ST6GALNAC3: variants seen among roughly 807,000 people sequenced by gnomAD.
ST6GALNAC3 encodes alpha-N-acetylgalactosaminide alpha-2,6-sialyltransferase 3.
ST6GALNAC3 carries 25 observed loss-of-function variants against 32.7 expected under a neutral mutation model. The observed-to-expected ratio is 0.76, with a 90% CI of 0.56 to 1.07. The LOEUF (loss-of-function observed/expected upper bound fraction) is 1.07. ST6GALNAC3 is among the 50% of genes least tolerant of loss of function. ST6GALNAC3 has a pLI of 0.00. For missense variants in ST6GALNAC3, 355 were observed against 382.4 expected (o/e 0.93, Z 0.60); for synonymous variants, 129 against 133.1 (o/e 0.97, Z 0.21).
chr1:76,568,341 T>A (rs1291688790), intron 3 of ST6GALNAC3, among the ~76,000 whole-genome samples: 1 of 152,194 alleles, frequency 6.6e-6, no homozygotes, highest in African/African-American at 2.4e-5. Context: ...GTAATTGAAC[T>A]GACCTGCATG....
At chr1:76,254,171 T>C (rs2100706295) in intron 1 of ST6GALNAC3, among the ~76,000 whole-genome samples, 1 of 152,272 alleles carries the variant, frequency 6.6e-6, no homozygotes, top group Non-Finnish European at 1.5e-5. Context: ...ATGCTAAATA[T>C]ACAGAATTTA....
Position 76,345,579 on chromosome 1 carries a change from T to C in ST6GALNAC3, c.213+31580T>C, listed in dbSNP as rs117610443. Among the ~76,000 whole-genome samples, 54 of 152,208 alleles carry C rather than the reference T, an allele frequency of 3.5e-4. No homozygotes were observed. The East Asian group carries it at 9.3e-3, about 26-fold the overall frequency. ...GAAATAGTATTTCTAATGATAAAAA[T>C]AATAACACAATAAAGTTTAGTAAAC... On this transcript the variant is annotated intron_variant, in intron 2 of 4. Coordinates refer to ENST00000328299, the MANE Select transcript of ST6GALNAC3 (RefSeq NM_152996.4).
At chr1:76,255,132 G>A (rs1022060655) in intron 1 of ST6GALNAC3, among the ~76,000 whole-genome samples, 4 of 151,750 alleles carry the variant, frequency 2.6e-5, no homozygotes, top group African/African-American at 9.7e-5. Context: ...TTAGAGCCAG[G>A]AGCCTAGTCC....
intron 3 of ST6GALNAC3, among the ~76,000 whole-genome samples, chr1:76,608,770 C>T (rs943021012): frequency 1.3e-5 from 2 of 152,054 alleles, no homozygotes; most frequent in African/African-American, 4.8e-5. Flanking sequence ...CCCCTCACTT[C>T]GTCAGTGTAT....
intron 3 of ST6GALNAC3, among the ~76,000 whole-genome samples, chr1:76,468,763 A>G (rs949422684): frequency 2.0e-5 from 3 of 152,070 alleles, no homozygotes; most frequent in Admixed American, 6.6e-5. Context: ...TGTAATCATT[A>G]TAAGTGATTT....
At chr1:76,341,682 C>CTTCTTTCT (rs1281081058) in intron 2 of ST6GALNAC3, among the ~76,000 whole-genome samples, 2 of 36,052 alleles carry the variant, frequency 5.5e-5, no homozygotes, top group Admixed American at 2.9e-4. Flanking sequence ...TCTTTCTTTC[C>CTTCTTTCT]TTCTTTCTTT....
At chr1:76,501,649 C>G (rs570743771) in intron 3 of ST6GALNAC3, among the ~76,000 whole-genome samples, 1 of 152,250 alleles carries the variant, frequency 6.6e-6, no homozygotes, top group East Asian at 1.9e-4. Context: ...GGCAGGCTAT[C>G]AAGGCAGCCT....
At chr1:76,194,921 CA>C (rs1396813431) in intron 1 of ST6GALNAC3, among the ~76,000 whole-genome samples, 2 of 152,180 alleles carry the variant, frequency 1.3e-5, no homozygotes, top group African/African-American at 4.8e-5. Flanking sequence ...TTCACTCATG[CA>C]TGATTTTGTA....
intron 3 of ST6GALNAC3, among the ~76,000 whole-genome samples, chr1:76,591,692 G>T (rs1202685787): frequency 6.6e-6 from 1 of 152,132 alleles, no homozygotes; most frequent in Non-Finnish European, 1.5e-5. Flanking sequence ...CATCAGAGTT[G>T]TGTATGTGAG....
chr1:76,535,122 G>T (rs924973035), intron 3 of ST6GALNAC3, among the ~76,000 whole-genome samples: 2 of 152,158 alleles, frequency 1.3e-5, no homozygotes, highest in Non-Finnish European at 2.9e-5. Context: ...CAGGGTTAGG[G>T]AAAGAGATGA....
intron 3 of ST6GALNAC3, among the ~76,000 whole-genome samples, chr1:76,424,912 T>A (rs1655265749): frequency 6.6e-6 from 1 of 151,968 alleles, no homozygotes; most frequent in Non-Finnish European, 1.5e-5. Flanking sequence ...AGTCTCTTTG[T>A]GGTTGCTAAA....
At chr1:76,229,174 C>T (rs970825817) in intron 1 of ST6GALNAC3, among the ~76,000 whole-genome samples, 1 of 152,162 alleles carries the variant, frequency 6.6e-6, no homozygotes, top group African/African-American at 2.4e-5. Context: ...AGAAAGCTAG[C>T]CTGCCATGAG....
chr1:76,365,355 A>G (rs1650286126), intron 2 of ST6GALNAC3, among the ~76,000 whole-genome samples: 1 of 152,186 alleles, frequency 6.6e-6, no homozygotes, highest in East Asian at 1.9e-4. Context: ...TGAGGGTTGA[A>G]AAACTACCTC....
At chr1:76,287,258 GT>G (rs1211879874) in intron 1 of ST6GALNAC3, among the ~76,000 whole-genome samples, 1 of 152,030 alleles carries the variant, frequency 6.6e-6, no homozygotes. Flanking sequence ...GAGTGTGTCT[GT>G]TTGTGAACTT....
intron 1 of ST6GALNAC3, among the ~76,000 whole-genome samples, chr1:76,114,715 C>G (rs1224093792): frequency 1.3e-5 from 2 of 151,982 alleles, no homozygotes; most frequent in Non-Finnish European, 2.9e-5. Context: ...TCGAGACCAG[C>G]CTGGCCAACG....
intron 2 of ST6GALNAC3, among the ~76,000 whole-genome samples, chr1:76,318,855 A>C (rs1056483077): frequency 6.6e-6 from 1 of 152,180 alleles, no homozygotes; most frequent in Admixed American, 6.5e-5. Context: ...AAGGTAGTCC[A>C]GGGCTTGGTT....
intron 3 of ST6GALNAC3, among the ~76,000 whole-genome samples, chr1:76,483,759 C>T (rs1659900536): frequency 6.6e-6 from 1 of 152,088 alleles, no homozygotes; most frequent in Non-Finnish European, 1.5e-5. Context: ...GCTTTTGTTG[C>T]CATTGCTCTT....
At chr1:76,495,929 G>A (rs1288272510) in intron 3 of ST6GALNAC3, among the ~76,000 whole-genome samples, 1 of 152,138 alleles carries the variant, frequency 6.6e-6, no homozygotes, top group Non-Finnish European at 1.5e-5. Context: ...TAAGTAACAA[G>A]TTTTGCTCAT....
intron 1 of ST6GALNAC3, among the ~76,000 whole-genome samples, chr1:76,306,488 G>A (rs1291541443): frequency 1.3e-5 from 2 of 152,102 alleles, no homozygotes; most frequent in Non-Finnish European, 2.9e-5. Context: ...TAGAGCACAT[G>A]TCAGTATGTC....
Sources: gnomAD v4.1 joint callset for allele counts (sites outside exome capture counted in the v4.1 genomes callset) on GRCh38, gnomAD v4.1.1 for gene constraint, MANE v1.5 for transcripts, NCBI Gene and HGNC (gene_info 2026-07-23, HGNC 2026-07-21) for gene names.